FAM135B: variants seen among roughly 807,000 people sequenced by gnomAD.
FAM135B encodes the protein protein FAM135B.
A neutral mutation model predicts 127.7 loss-of-function variants in FAM135B; 43 were observed. The observed-to-expected ratio is 0.34, with a 90% CI of 0.26 to 0.43. FAM135B has a LOEUF of 0.43. Ranked by LOEUF, FAM135B falls within the 20% of genes least tolerant of loss-of-function variation. The pLI, the probability that FAM135B is intolerant of heterozygous loss-of-function variation, is 1.00. For synonymous variants in FAM135B, 670 were observed against 665.1 expected (o/e 1.01, Z -0.11); for missense variants, 1,558 against 1,725.6 (o/e 0.90, Z 1.72).
chr8:138,255,157 G>A (rs76513678), intron 5 of FAM135B, among the ~76,000 whole-genome samples: 22,386 of 151,310 alleles, frequency 0.15, 1,799 homozygotes, highest in African/African-American at 0.19. Flanking sequence ...AGCCTGCCAA[G>A]GTGCTGGGAT....
chr8:138,433,036 G>C lies in FAM135B; in HGVS notation c.-20+63635C>G, dbSNP rs568735023. On this transcript the variant is annotated intron_variant, in intron 1 of 19. Coordinates refer to ENST00000395297, the MANE Select transcript of FAM135B (RefSeq NM_015912.4). ...CAGAACAATGAGGCAAGAGGCAGGA[G>C]AGCAGTCCACTGTATACAGATAGCA... Among the ~76,000 whole-genome samples the C allele has an allele frequency of 1.4e-3, 207 of 152,102 alleles. 2 individuals carry two copies. Among genetic ancestry groups the C allele is most frequent in the Non-Finnish European group, 2.3e-3 (157 of 68,002 alleles).
chr8:138,492,472 A>G (rs947464637), intron 1 of FAM135B, among the ~76,000 whole-genome samples: 3 of 151,946 alleles, frequency 2.0e-5, no homozygotes, highest in Non-Finnish European at 4.4e-5. Flanking sequence ...GATCTCGCTA[A>G]CCTGGCCTCT....
chr8:138,255,247 C>T (rs996506128), intron 5 of FAM135B, among the ~76,000 whole-genome samples: 1 of 152,116 alleles, frequency 6.6e-6, no homozygotes, highest in African/African-American at 2.4e-5. Context: ...ATTGGCTCAT[C>T]AGCTTCCCAA....
Position 138,301,715 on chromosome 8 carries a change from T to C in FAM135B, c.157+9126A>G, listed in dbSNP as rs140502890. On this transcript the variant is annotated intron_variant, in intron 3 of 19. Transcript: ENST00000395297. ...TTAGCATCACCTTCCTCATGAAAGA[T>C]TAACTTATATCTCTAAGTATCAAAA... is the stretch of plus-strand genomic sequence containing the variant. Among the ~76,000 whole-genome samples the C allele has an allele frequency of 5.3e-5, 8 of 152,338 alleles. No homozygotes were observed. The East Asian group carries it at 1.5e-3, about 29-fold the overall frequency.
chr8:138,222,813 T>C (rs1819137352), intron 7 of FAM135B, among the ~76,000 whole-genome samples: 1 of 152,092 alleles, frequency 6.6e-6, no homozygotes, highest in Non-Finnish European at 1.5e-5. Flanking sequence ...ATAATTATTC[T>C]TAAATTATGG....
intron 2 of FAM135B, among the ~76,000 whole-genome samples, chr8:138,326,463 T>G (rs1206511308): frequency 1.3e-5 from 2 of 152,164 alleles, no homozygotes; most frequent in East Asian, 1.9e-4. Flanking sequence ...TCAAGCGACT[T>G]GCACAGCTTG....
intron 2 of FAM135B, among the ~76,000 whole-genome samples, chr8:138,335,734 C>A (rs1828530030): frequency 6.6e-6 from 1 of 152,186 alleles, no homozygotes; most frequent in Non-Finnish European, 1.5e-5. Flanking sequence ...AGGAATTGAG[C>A]TCAGCTCTGC....
At position 138,242,853 on chromosome 8, in the gene FAM135B, T is replaced by G. The variant is rs980830905; in HGVS notation, c.669+89A>C. 6.7e-7 allele frequency: 1 copy of G among 1,483,946 alleles called. No individual in the cohort carries two copies. Among genetic ancestry groups the G allele is most frequent in the South Asian group, 1.4e-5 (1 of 70,252 alleles). The allele number at this position is 1,483,946 out of a possible 1,614,324, so 91.9% of individuals were successfully genotyped here. A position where few individuals can be genotyped will look rare whatever the true frequency, so the allele number is the denominator to read the frequency against. On this transcript the variant is annotated intron_variant, in intron 7 of 19. Transcript: ENST00000395297. The surrounding 1 kb of genome is among the most constrained non-coding windows in gnomAD (Gnocchi z 9.6). ...AATTAGCAAAAATCTCTGAAGGGGA[T>G]GTTTCAAAGAAGCATGAATCTCATA...
At chr8:138,385,658 A>C (rs1186440387) in intron 1 of FAM135B, among the ~76,000 whole-genome samples, 7 of 151,994 alleles carry the variant, frequency 4.6e-5, no homozygotes, top group African/African-American at 1.7e-4. Context: ...TAAAAAACAC[A>C]AAAATTAGCC....
chr8:138,245,849 A>T (rs1821237715), intron 6 of FAM135B, among the ~76,000 whole-genome samples: 1 of 152,170 alleles, frequency 6.6e-6, no homozygotes, highest in Non-Finnish European at 1.5e-5. Flanking sequence ...GGCTCAGAAG[A>T]CAGGAAGATG....
intron 2 of FAM135B, among the ~76,000 whole-genome samples, chr8:138,341,759 T>A (rs1402224007): frequency 1.3e-5 from 2 of 152,074 alleles, no homozygotes; most frequent in Non-Finnish European, 2.9e-5. Context: ...TCCCCTGCAA[T>A]CACCCTTTTC....
At position 138,152,653 on chromosome 8, in the gene FAM135B, C is replaced by T. The variant is rs371307458; in HGVS notation, c.1822G>A (p.Asp608Asn). Residue 608 changes from aspartate (D) to asparagine (N), a missense_variant, in exon 13 of 20, where the codon GAC becomes AAC. By Grantham distance (23) the Asp-to-Asn change is conservative. Coordinates refer to ENST00000395297, the MANE Select transcript of FAM135B (RefSeq NM_015912.4). ...GGSHQNAISS[D>N]KTTLHELSTL... ...CTTAATTCATGGAGAGTTGTTTTGT[C>T]TGAAGAGATGGCATTTTGGTGGCTT... The T allele has an allele frequency of 1.2e-6, 2 of 1,614,074 alleles. No homozygotes were observed. The highest frequency in any genetic ancestry group is 2.7e-5 in the African/African-American group (2 of 74,928).
intron 12 of FAM135B, among the ~76,000 whole-genome samples, chr8:138,154,545 A>T (rs1818512555): frequency 6.6e-6 from 1 of 152,168 alleles, no homozygotes; most frequent in Non-Finnish European, 1.5e-5. Context: ...AAAAACCTTG[A>T]AAAAAGATTA....
intron 1 of FAM135B, among the ~76,000 whole-genome samples, chr8:138,423,221 C>T (rs578244422): frequency 6.6e-6 from 1 of 152,138 alleles, no homozygotes; most frequent in Non-Finnish European, 1.5e-5. Flanking sequence ...AGACAAGGGG[C>T]AACTTACCTA....
chr8:138,285,467 ACT>A (rs1474501076), intron 3 of FAM135B, among the ~76,000 whole-genome samples: 1 of 151,806 alleles, frequency 6.6e-6, no homozygotes, highest in Non-Finnish European at 1.5e-5. Flanking sequence ...TGATTTTTAA[ACT>A]CTCTGAGATC....
chr8:138,337,819 GA>G (rs1157444442), intron 2 of FAM135B, among the ~76,000 whole-genome samples: 3 of 152,134 alleles, frequency 2.0e-5, no homozygotes, highest in African/African-American at 7.2e-5. Context: ...TAAGCCAAAA[GA>G]ACAAAGCTGG....
At chr8:138,304,130 G>T (rs997578479) in intron 3 of FAM135B, among the ~76,000 whole-genome samples, 1 of 152,080 alleles carries the variant, frequency 6.6e-6, no homozygotes, top group Admixed American at 6.6e-5. Context: ...CATTTCAGAG[G>T]TCCTGAGAAG....
intron 11 of FAM135B, among the ~76,000 whole-genome samples, chr8:138,173,244 C>T (rs16908418): frequency 0.064 from 9,703 of 152,204 alleles, 553 homozygotes; most frequent in East Asian, 0.17. Flanking sequence ...CTTATGCTGT[C>T]GGACTGTAAC....
intron 1 of FAM135B, among the ~76,000 whole-genome samples, chr8:138,434,260 C>G (rs190254579): frequency 6.6e-6 from 1 of 152,258 alleles, no homozygotes; most frequent in East Asian, 1.9e-4. Context: ...AAATATGAAT[C>G]TAATGTTGTT....
Sources: allele counts gnomAD v4.1 joint callset (sites outside exome capture counted in the v4.1 genomes callset), GRCh38; gene constraint gnomAD v4.1.1; non-coding constraint Gnocchi (gnomAD v3.1); transcripts MANE v1.5; gene names NCBI Gene and HGNC (gene_info 2026-07-23, HGNC 2026-07-21).